The following ARHGAP24 variants were observed in gnomAD, a reference collection of about 807,000 sequenced individuals.
ARHGAP24 encodes rho GTPase-activating protein 24.
A neutral mutation model predicts 76.4 loss-of-function variants in ARHGAP24; 50 were observed. The observed-to-expected ratio is 0.65, with a 90% CI of 0.52 to 0.83. The LOEUF (loss-of-function observed/expected upper bound fraction) is 0.83. Among genes scored for constraint, ARHGAP24 ranks in the 40% least tolerant of loss-of-function variants. The pLI is 0.00. For missense variants in ARHGAP24, 930 were observed against 914.2 expected (o/e 1.02, Z -0.22); for synonymous variants, 345 against 323.3 (o/e 1.07, Z -0.72).
chr4:85,838,585 C>T (rs2089763), intron 3 of ARHGAP24, among the ~76,000 whole-genome samples: 33,530 of 152,050 alleles, frequency 0.22, 4,934 homozygotes, highest in Non-Finnish European at 0.34. Flanking sequence ...GGCGACAGAG[C>T]GAGACTCTGT....
intron 2 of ARHGAP24, among the ~76,000 whole-genome samples, chr4:85,637,610 T>C (rs1425431199): frequency 6.6e-6 from 1 of 152,074 alleles, no homozygotes; most frequent in East Asian, 1.9e-4. Flanking sequence ...TGGTAAAAGA[T>C]ACTTGATTTC....
At chr4:85,949,166 T>C (rs575863751) in intron 5 of ARHGAP24, among the ~76,000 whole-genome samples, 50 of 152,294 alleles carry the variant, frequency 3.3e-4, no homozygotes, top group African/African-American at 1.1e-3. Flanking sequence ...GCAATTTTTT[T>C]CCCCTGTTCG....
intron 3 of ARHGAP24, among the ~76,000 whole-genome samples, chr4:85,863,015 G>T (rs345353): frequency 0.45 from 69,027 of 151,812 alleles, 16,093 homozygotes; most frequent in Non-Finnish European, 0.48. Context: ...AATCAGATCC[G>T]GTTCCTCCCC....
At chr4:85,664,179 C>A (rs939756093) in intron 2 of ARHGAP24, among the ~76,000 whole-genome samples, 11 of 151,560 alleles carry the variant, frequency 7.3e-5, no homozygotes, top group African/African-American at 2.7e-4. Flanking sequence ...ATTATTGCCA[C>A]AATTTCAGAG....
chr4:85,880,000 G>C (rs1172263908), intron 3 of ARHGAP24, among the ~76,000 whole-genome samples: 3 of 152,158 alleles, frequency 2.0e-5, no homozygotes, highest in Non-Finnish European at 4.4e-5. Context: ...TCGCTGGCCT[G>C]CTGTGCAGTC....
In ARHGAP24 at chr4:86,002,324, G is replaced by A. The variant is rs140649797; in HGVS notation, c.*1602G>A. The A allele has an allele frequency of 2.7e-4, 41 of 152,252 alleles. No individual in the cohort carries two copies. The highest frequency in any genetic ancestry group is 8.2e-4 in the African/African-American group (34 of 41,542). The allele number at this position is 152,252 out of a possible 1,614,324, so 9.4% of individuals were successfully genotyped here. ...GTCTGTGGTCCTATGGTATCAACCA[G>A]TATCTTTATAGCAATAATTTCTTTA... On this transcript the variant is annotated 3_prime_UTR_variant, in exon 10 of 10. Coordinates refer to ENST00000395184, the MANE Select transcript of ARHGAP24 (RefSeq NM_001025616.3).
chr4:85,930,962 C>T (rs779458518), intron 4 of ARHGAP24: 12 of 1,613,534 alleles, frequency 7.4e-6, no homozygotes, highest in Middle Eastern at 3.3e-4. Context: ...GGGGGGTGCC[C>T]GGCTGGTGCC....
chr4:85,979,638 T>C (rs1739538122), intron 8 of ARHGAP24, among the ~76,000 whole-genome samples: 1 of 152,192 alleles, frequency 6.6e-6, no homozygotes, highest in Admixed American at 6.5e-5. Context: ...TGTGGCAATA[T>C]TTTAATTTTT....
intron 8 of ARHGAP24, chr4:85,991,708 C>G (rs1740336778): frequency 6.5e-6 from 1 of 154,248 alleles, no homozygotes; most frequent in East Asian, 1.9e-4. Flanking sequence ...GGGCAGGGAA[C>G]TGACTCCAAA....
intron 3 of ARHGAP24, chr4:85,828,093 C>T (rs1236129834): frequency 1.1e-5 from 8 of 741,946 alleles, no homozygotes; most frequent in Middle Eastern, 2.7e-4. Context: ...AGACTGTGTG[C>T]GGTTTTATTT....
intron 2 of ARHGAP24, among the ~76,000 whole-genome samples, chr4:85,620,723 A>G (rs1720689310): frequency 6.6e-6 from 1 of 151,488 alleles, no homozygotes; most frequent in South Asian, 2.1e-4. Context: ...TTTCTAGTTC[A>G]TTAAGGTACA....
intron 1 of ARHGAP24, among the ~76,000 whole-genome samples, chr4:85,564,210 T>C (rs1311334826): frequency 6.6e-6 from 1 of 152,162 alleles, no homozygotes; most frequent in Non-Finnish European, 1.5e-5. Context: ...GTTCTTGCGA[T>C]AGTTTGCTGA....
intron 3 of ARHGAP24, among the ~76,000 whole-genome samples, chr4:85,911,697 C>T (rs966921946): frequency 1.3e-4 from 20 of 152,112 alleles, no homozygotes; most frequent in African/African-American, 4.8e-4. Flanking sequence ...GATTTTTCAG[C>T]TTTGTGATGA....
intron 2 of ARHGAP24, among the ~76,000 whole-genome samples, chr4:85,591,563 G>C (rs1728110526): frequency 6.6e-6 from 1 of 152,148 alleles, no homozygotes; most frequent in Non-Finnish European, 1.5e-5. Context: ...TTAGTCATTA[G>C]TTACAAGTCA....
At chr4:85,937,655 C>T (rs1021284886) in intron 4 of ARHGAP24, among the ~76,000 whole-genome samples, 3 of 152,200 alleles carry the variant, frequency 2.0e-5, no homozygotes, top group Middle Eastern at 6.8e-3. Context: ...AATCATGTAA[C>T]ATGGGACGTG....
intron 1 of ARHGAP24, among the ~76,000 whole-genome samples, chr4:85,550,436 T>C (rs774967309): frequency 2.0e-5 from 3 of 152,226 alleles, no homozygotes; most frequent in Non-Finnish European, 4.4e-5. Flanking sequence ...TCATGCTGTT[T>C]GGTTACTGTA....
In ARHGAP24 at chr4:85,527,527, A is replaced by G. The variant is rs999648601; in HGVS notation, c.-20-42995A>G. On this transcript the variant is annotated intron_variant, in intron 1 of 9. Transcript: ENST00000395184. ...TCAACCTAGGGAAGCTATTCTTCTT[A>G]ACGTCTCTGTATTACCAGTCTCATT... Among the ~76,000 whole-genome samples, 15 of 152,216 alleles carry G rather than the reference A, an allele frequency of 9.9e-5. No homozygotes were observed. The East Asian group carries it at 1.9e-3, about 20-fold the overall frequency.
At chr4:85,863,879 G>A (rs1732039499) in intron 3 of ARHGAP24, among the ~76,000 whole-genome samples, 1 of 152,062 alleles carries the variant, frequency 6.6e-6, no homozygotes, top group South Asian at 2.1e-4. Flanking sequence ...AAAGGAAGGT[G>A]TCTCCAAGCG....
intron 1 of ARHGAP24, among the ~76,000 whole-genome samples, chr4:85,561,568 A>C (rs537232531): frequency 1.3e-5 from 2 of 152,266 alleles, no homozygotes; most frequent in African/African-American, 4.8e-5. Flanking sequence ...TAATTATTTA[A>C]ATATTTTTCG....
Sources: gnomAD v4.1 joint callset for allele counts (sites outside exome capture counted in the v4.1 genomes callset) on GRCh38, gnomAD v4.1.1 for gene constraint, MANE v1.5 for transcripts, NCBI Gene and HGNC (gene_info 2026-07-23, HGNC 2026-07-21) for gene names.